DIS3L2: variants seen among roughly 807,000 people sequenced by gnomAD.
DIS3L2 encodes DIS3-like exonuclease 2.
A neutral mutation model predicts 97.5 loss-of-function variants in DIS3L2; 34 were observed. The ratio of observed to expected loss-of-function variants is 0.35; its 90% CI spans 0.27 to 0.46. The LOEUF (loss-of-function observed/expected upper bound fraction) is 0.46, where lower values mean the gene tolerates loss of function less well. Ranked by LOEUF, DIS3L2 falls within the 20% of genes least tolerant of loss-of-function variation. The pLI is 1.00. For missense variants in DIS3L2, 1,038 were observed against 1,146.0 expected (o/e 0.91, Z 1.36); for synonymous variants, 435 against 445.2 (o/e 0.98, Z 0.29).
intron 9 of DIS3L2, among the ~76,000 whole-genome samples, chr2:232,192,989 T>C (rs1691657220): frequency 1.3e-5 from 2 of 152,200 alleles, no homozygotes; most frequent in African/African-American, 2.4e-5. Flanking sequence ...TTACTCAGAC[T>C]AGCTCCTTTG....
intron 4 of DIS3L2, 40 bp downstream of exon 4, chr2:232,024,370 T>G: frequency 6.7e-7 from 1 of 1,492,658 alleles, no homozygotes; most frequent in South Asian, 1.2e-5. Context: ...ATGTCACATT[T>G]AATTTTTTAG....
chr2:232,053,854 C>G (rs969505933), intron 5 of DIS3L2, among the ~76,000 whole-genome samples: 1 of 152,164 alleles, frequency 6.6e-6, no homozygotes, highest in Non-Finnish European at 1.5e-5. Context: ...ATGGAGGCCA[C>G]ATTACACAGG....
chr2:232,334,922 A>G (rs1261863729), intron 19 of DIS3L2, 187 bp downstream of exon 19: 9 of 579,338 alleles, frequency 1.6e-5, no homozygotes, highest in East Asian at 2.9e-5. Flanking sequence ...GCCCAGGGTC[A>G]GGCCTGGCCC....
intron 8 of DIS3L2, among the ~76,000 whole-genome samples, chr2:232,146,798 A>G (rs973196427): frequency 2.6e-5 from 4 of 152,166 alleles, no homozygotes; most frequent in East Asian, 1.9e-4. Context: ...GCAAACCAAT[A>G]TTGGGCACTC....
At chr2:232,242,280 A>AG (rs1470664444) in intron 11 of DIS3L2, among the ~76,000 whole-genome samples, 3 of 152,164 alleles carry the variant, frequency 2.0e-5, no homozygotes, top group Non-Finnish European at 4.4e-5. Flanking sequence ...CTCGGAGAAA[A>AG]GGGGGAAAAG....
chr2:232,000,511 T>C (rs1338733391), intron 1 of DIS3L2, among the ~76,000 whole-genome samples: 1 of 152,110 alleles, frequency 6.6e-6, no homozygotes, highest in African/African-American at 2.4e-5. Flanking sequence ...TCATGTGGTA[T>C]TTATTTGTCT....
chr2:232,316,840 G>A (rs1194672879), intron 14 of DIS3L2, among the ~76,000 whole-genome samples: 1 of 152,222 alleles, frequency 6.6e-6, no homozygotes, highest in Non-Finnish European at 1.5e-5. Flanking sequence ...AGTCTTTGGT[G>A]TAGATAAAAG....
intron 6 of DIS3L2, among the ~76,000 whole-genome samples, chr2:232,097,963 A>G (rs1466700520): frequency 6.6e-6 from 1 of 152,180 alleles, no homozygotes; most frequent in African/African-American, 2.4e-5. Flanking sequence ...TTAATTCAGC[A>G]GGTGATGAGT....
At position 232,292,679 on chromosome 2, in the gene DIS3L2, C is replaced by G. The variant is rs892427383; in HGVS notation, c.1660-7361C>G. 6.6e-6 allele frequency among the ~76,000 whole-genome samples: 1 copy of G among 152,238 alleles called. No individual in the cohort carries two copies. Among genetic ancestry groups the G allele is most frequent in the Non-Finnish European group, 1.5e-5 (1 of 68,038 alleles). On this transcript the variant is annotated intron_variant, in intron 13 of 20. Coordinates refer to ENST00000325385, the MANE Select transcript of DIS3L2 (RefSeq NM_152383.5). The surrounding 1 kb of genome is among the most constrained non-coding windows in gnomAD (Gnocchi z 4.4). ...ATGCTCTGGCCGCCTGGAGCCTGCC[C>G]TCCTGTGTGACCTCAGCCTGAGCCC...
chr2:232,044,183 G>T (rs957079495), intron 5 of DIS3L2, among the ~76,000 whole-genome samples: 7 of 152,118 alleles, frequency 4.6e-5, no homozygotes, highest in African/African-American at 1.7e-4. Context: ...TAGTCACTGG[G>T]GAGTCACTGA....
intron 13 of DIS3L2, chr2:232,343,188 T>C (rs768906495): frequency 1.4e-4 from 97 of 681,552 alleles, no homozygotes; most frequent in Non-Finnish European, 2.4e-4. Flanking sequence ...CAGGCAAATA[T>C]GAAGAGGCTA....
At chr2:232,245,398 G>A (rs1693221240) in intron 11 of DIS3L2, among the ~76,000 whole-genome samples, 1 of 152,200 alleles carries the variant, frequency 6.6e-6, no homozygotes, top group Admixed American at 6.5e-5. Context: ...CAGGGATCCT[G>A]CTGTGCCTGG....
At chr2:232,035,152 T>A (rs1694916424) in intron 5 of DIS3L2, among the ~76,000 whole-genome samples, 1 of 152,234 alleles carries the variant, frequency 6.6e-6, no homozygotes, top group Non-Finnish European at 1.5e-5. Flanking sequence ...TATAGGTCTC[T>A]AAGAGCTTGC....
chr2:232,128,880 A>T (rs555181003), intron 6 of DIS3L2, among the ~76,000 whole-genome samples: 1 of 152,296 alleles, frequency 6.6e-6, no homozygotes, highest in African/African-American at 2.4e-5. Context: ...CTCACCTGTA[A>T]GGCTTTAAAC....
intron 13 of DIS3L2, among the ~76,000 whole-genome samples, chr2:232,266,107 T>G (rs1693851953): frequency 1.3e-5 from 2 of 152,254 alleles, no homozygotes; most frequent in South Asian, 2.1e-4. Flanking sequence ...GTTGCAAAGT[T>G]CAGTTGAATT....
chr2:232,175,600 GGTACATGTAT>G (rs966650613), intron 9 of DIS3L2, among the ~76,000 whole-genome samples: 1 of 151,742 alleles, frequency 6.6e-6, no homozygotes, highest in Non-Finnish European at 1.5e-5. Flanking sequence ...TAGGTTCGGG[GGTACATGTAT>G]GTACGGGTTT....
At chr2:232,249,442 T>TG in intron 12 of DIS3L2, 96 bp downstream of exon 12, 1 of 1,288,668 alleles carries the variant, frequency 7.8e-7, no homozygotes, top group Non-Finnish European at 1.1e-6. Flanking sequence ...TTGGGTGCCA[T>TG]GGTGGTAAGA....
intron 6 of DIS3L2, among the ~76,000 whole-genome samples, chr2:232,105,923 T>C (rs1368528119): frequency 6.6e-6 from 1 of 152,236 alleles, no homozygotes; most frequent in Non-Finnish European, 1.5e-5. Flanking sequence ...CCTGACTCTC[T>C]TGCTTGCTCT....
At chr2:232,222,947 T>G (rs1692543784) in intron 10 of DIS3L2, among the ~76,000 whole-genome samples, 1 of 152,212 alleles carries the variant, frequency 6.6e-6, no homozygotes, top group South Asian at 2.1e-4. Flanking sequence ...AAAGATTAAG[T>G]GGAGAGGCAG....
Sources: allele counts gnomAD v4.1 joint callset (sites outside exome capture counted in the v4.1 genomes callset), GRCh38; gene constraint gnomAD v4.1.1; non-coding constraint Gnocchi (gnomAD v3.1); transcripts MANE v1.5; gene names NCBI Gene and HGNC (gene_info 2026-07-23, HGNC 2026-07-21).